DLGAP1: variants seen among roughly 807,000 people sequenced by gnomAD.
DLGAP1 encodes the protein disks large-associated protein 1.
In DLGAP1, 11 loss-of-function variants were observed where a neutral mutation model predicts 90.8. The ratio of observed to expected loss-of-function variants is 0.12; its 90% CI spans 0.08 to 0.20. The LOEUF (loss-of-function observed/expected upper bound fraction) is 0.20. DLGAP1 is among the 10% of genes least tolerant of loss of function. The probability of loss-of-function intolerance (pLI) is 1.00; values close to 1 mark genes in which losing one functional copy is unlikely to be tolerated. For synonymous variants in DLGAP1, 558 were observed against 540.7 expected (o/e 1.03, Z -0.44); for missense variants, 1,050 against 1,333.8 (o/e 0.79, Z 3.31).
intron 1 of DLGAP1, among the ~76,000 whole-genome samples, chr18:4,241,515 A>G (rs1310912332): frequency 1.3e-5 from 2 of 152,228 alleles, no homozygotes; most frequent in African/African-American, 4.8e-5. Context: ...CTTAGAAAAA[A>G]AATGGTCGCA....
At chr18:3,515,113 G>T (rs113946392) in intron 10 of DLGAP1, among the ~76,000 whole-genome samples, 3,861 of 152,186 alleles carry the variant, frequency 0.025, 122 homozygotes, top group African/African-American at 0.07. Context: ...TTCATGAAAG[G>T]TTTCTCTGTT....
intron 6 of DLGAP1, among the ~76,000 whole-genome samples, chr18:3,738,061 T>A (rs2062735046): frequency 2.6e-5 from 4 of 151,624 alleles, no homozygotes; most frequent in Admixed American, 2.0e-4. Flanking sequence ...CGAATCCAAC[T>A]TACAAGGGAT....
At chr18:4,078,662 G>C (rs2075559506) in intron 2 of DLGAP1, among the ~76,000 whole-genome samples, 1 of 152,246 alleles carries the variant, frequency 6.6e-6, no homozygotes, top group African/African-American at 2.4e-5. Context: ...ACAAAACACT[G>C]GTCATCTATC....
chr18:4,061,175 T>C (rs1015413326), intron 2 of DLGAP1, among the ~76,000 whole-genome samples: 1 of 152,202 alleles, frequency 6.6e-6, no homozygotes, highest in East Asian at 1.9e-4. Context: ...GAGTTAACAG[T>C]GTAACATGTA....
At chr18:3,927,431 G>A (rs1236836567) in intron 3 of DLGAP1, among the ~76,000 whole-genome samples, 1 of 152,190 alleles carries the variant, frequency 6.6e-6, no homozygotes, top group Non-Finnish European at 1.5e-5. Flanking sequence ...ATAAATACTT[G>A]TTAAAAGAAT....
chr18:4,238,880 T>C (rs1309306529), intron 1 of DLGAP1, among the ~76,000 whole-genome samples: 1 of 152,124 alleles, frequency 6.6e-6, no homozygotes, highest in Non-Finnish European at 1.5e-5. Flanking sequence ...AAAATGCCCC[T>C]CTCCACCCCA....
chr18:4,316,857 T>C (rs1185608329), intron 1 of DLGAP1, among the ~76,000 whole-genome samples: 2 of 152,158 alleles, frequency 1.3e-5, no homozygotes, highest in Non-Finnish European at 2.9e-5. Flanking sequence ...CATGTCCATA[T>C]CCCTGCTGAG....
chr18:3,636,795 G>A lies in DLGAP1; in HGVS notation c.1592-54547C>T, dbSNP rs556283828. Among the ~76,000 whole-genome samples the A allele has an allele frequency of 6.5e-5, 9 of 138,778 alleles. No individual in the cohort carries two copies. In the South Asian group the frequency reaches 2.1e-3, roughly 32 times the overall value. The allele number at this position is 138,778 out of a possible 152,430, so 91.0% of individuals were successfully genotyped here. On this transcript the variant is annotated intron_variant, in intron 7 of 12. Coordinates refer to ENST00000315677, the MANE Select transcript of DLGAP1 (RefSeq NM_004746.4). ...GCTGGAGTGCAGAGGAGTGATCTCC[G>A]CTCACTGCAACATCCGCCTCCCAGG...
At chr18:3,924,578 T>C (rs778643515) in intron 3 of DLGAP1, among the ~76,000 whole-genome samples, 1 of 152,168 alleles carries the variant, frequency 6.6e-6, no homozygotes, top group Non-Finnish European at 1.5e-5. Flanking sequence ...GTTCATTTCC[T>C]CCCCTGAAAG....
chr18:3,642,504 A>G (rs964900994), intron 7 of DLGAP1, among the ~76,000 whole-genome samples: 5 of 152,190 alleles, frequency 3.3e-5, no homozygotes, highest in Non-Finnish European at 5.9e-5. Flanking sequence ...TATACTGAAA[A>G]GGAGGGTATT....
intron 5 of DLGAP1, among the ~76,000 whole-genome samples, chr18:3,751,884 T>TTCTTC (rs1491097533): frequency 2.9e-4 from 33 of 114,072 alleles, no homozygotes; most frequent in African/African-American, 1.3e-3. Context: ...CTTCTTCTTC[T>TTCTTC]TTTTTTTTTT....
intron 7 of DLGAP1, among the ~76,000 whole-genome samples, chr18:3,585,096 G>A (rs1293482601): frequency 1.3e-5 from 2 of 152,030 alleles, no homozygotes; most frequent in Non-Finnish European, 2.9e-5. Flanking sequence ...AATAAGTGTC[G>A]ACTTCCTCAT....
chr18:4,187,595 T>C (rs745766637), intron 1 of DLGAP1, among the ~76,000 whole-genome samples: 34 of 152,200 alleles, frequency 2.2e-4, no homozygotes, highest in South Asian at 4.1e-4. Flanking sequence ...ATGATTAGTA[T>C]CATCCATTTT....
chr18:3,990,916 T>C (rs2073954583), intron 3 of DLGAP1, among the ~76,000 whole-genome samples: 1 of 151,834 alleles, frequency 6.6e-6, no homozygotes, highest in Non-Finnish European at 1.5e-5. Context: ...CTCACTTTTT[T>C]TTGGCAAAAT....
At chr18:4,331,544 G>A (rs978168456) in intron 1 of DLGAP1, among the ~76,000 whole-genome samples, 1 of 151,686 alleles carries the variant, frequency 6.6e-6, no homozygotes, top group Non-Finnish European at 1.5e-5. Flanking sequence ...CAGCAGCAAG[G>A]ATGATCTTAA....
chr18:3,845,399 G>T (rs1228627483), intron 4 of DLGAP1: 2 of 1,400,784 alleles, frequency 1.4e-6, no homozygotes, highest in Non-Finnish European at 1.9e-6. Flanking sequence ...GGGGTGGGGG[G>T]AGAGTGGTTG....
At chr18:4,294,797 T>G in intron 1 of DLGAP1, 1 of 152,166 alleles carries the variant, frequency 6.6e-6, no homozygotes, top group Admixed American at 6.6e-5. Context: ...TGTGGGGGTT[T>G]TATTGAGTGG....
chr18:3,545,925 C>T (rs527532868), intron 9 of DLGAP1, among the ~76,000 whole-genome samples: 2 of 152,242 alleles, frequency 1.3e-5, no homozygotes, highest in Admixed American at 1.3e-4. Flanking sequence ...TATTCCTAAA[C>T]ATTTATGAGT....
intron 5 of DLGAP1, among the ~76,000 whole-genome samples, chr18:3,745,150 G>T (rs1466145172): frequency 6.6e-6 from 1 of 152,188 alleles, no homozygotes; most frequent in Non-Finnish European, 1.5e-5. Flanking sequence ...AAGATAGAAA[G>T]TAGGTGAGTG....
Sources: allele counts gnomAD v4.1 joint callset (sites outside exome capture counted in the v4.1 genomes callset), GRCh38; gene constraint gnomAD v4.1.1; transcripts MANE v1.5; gene names NCBI Gene and HGNC (gene_info 2026-07-23, HGNC 2026-07-21).